Variants in CPT1C observed in about 807,000 individuals in gnomAD.
The protein encoded by CPT1C is palmitoyl thioesterase CPT1C.
In CPT1C, 61 loss-of-function variants were observed where a neutral mutation model predicts 97.3. The observed-to-expected ratio is 0.63, with a 90% CI of 0.51 to 0.78. CPT1C has a LOEUF of 0.78. CPT1C is among the 30% of genes least tolerant of loss of function. CPT1C has a pLI of 0.00. For synonymous variants in CPT1C, 469 were observed against 447.2 expected, an observed-to-expected ratio of 1.05 and a Z score of -0.61; for missense variants, 975 against 1,065.5, an observed-to-expected ratio of 0.92 and a Z score of 1.18.
rs1484612798 is a variant in CPT1C, at chr19:49,701,984, A to ATATATTTATT, written c.693+354_693+355insTTTATTTATA. Reference sequence around the variant, plus strand: ...TTTATATATAAATTTATAAATAAATATATAAATATTATAAATATATTAAAT... The same window carrying ATATATTTATT: ...TTTATATATAAATTTATAAATAAATATATATTTATTTATAAATATTATAAATATATTAAAT... On this transcript the variant is annotated intron_variant, in intron 7 of 19. Transcript: ENST00000598293. Among the ~76,000 whole-genome samples, 56 of 73,392 alleles carry ATATATTTATT rather than the reference A, an allele frequency of 7.6e-4. 2 individuals carry two copies. The highest frequency in any genetic ancestry group is 2.7e-3 in the African/African-American group (56 of 20,534). 48.1% of individuals were successfully genotyped at this position (73,392 alleles called of 152,430 possible).
rs2082955705 is a variant in CPT1C at position 49,700,603 on chromosome 19, G to A, written c.282-81G>A. ...TCTGTCTGACAGCCAAAAGATCAGC[G>A]CAGGGGCTGGAGGGGGCTGGAAGGG... On this transcript the variant is annotated intron_variant, in intron 4 of 19. Transcript: ENST00000598293. The A allele has an allele frequency of 4.0e-6, 6 of 1,483,776 alleles. 1 individual carries two copies. The Admixed American group carries it at 5.3e-5, about 13-fold the overall frequency. The allele number at this position is 1,483,776 out of a possible 1,614,324, so 91.9% of individuals were successfully genotyped here. A position where few individuals can be genotyped will look rare whatever the true frequency, so the allele number is the denominator to read the frequency against.
chr19:49,709,117 C>A (rs557801588), intron 14 of CPT1C, among the ~76,000 whole-genome samples: 2 of 151,542 alleles, frequency 1.3e-5, no homozygotes, highest in Non-Finnish European at 2.9e-5. Context: ...CAAAAACCAC[C>A]ACTGTCCAAC....
rs375017702 is a variant in CPT1C at position 49,711,862 on chromosome 19, G to T, written c.1920G>T (p.Leu640=). Residue 640 remains leucine (L), a synonymous_variant, in exon 17 of 20, where the codon CTG becomes CTT. Transcript: ENST00000598293. ...FRVAVDKHQA[L]LKAAMSGQGV... ...TGGCAGTGGACAAGCACCAGGCTCT[G>T]CTGAAGGCAGCCATGAGCGGGCAGG... is the stretch of plus-strand genomic sequence containing the variant. 1 of 1,613,920 alleles carries T rather than the reference G, an allele frequency of 6.2e-7. No homozygotes were observed. The highest frequency in any genetic ancestry group is 1.7e-5 in the Admixed American group (1 of 59,998).
At chr19:49,698,526 G>C (rs1183250606) in intron 4 of CPT1C, among the ~76,000 whole-genome samples, 1 of 151,972 alleles carries the variant, frequency 6.6e-6, no homozygotes. Context: ...AGCCGGGTGT[G>C]GTGGTGCGCG....
At chr19:49,695,015 C>G (rs367922938) in intron 3 of CPT1C, among the ~76,000 whole-genome samples, 34 of 152,020 alleles carry the variant, frequency 2.2e-4, no homozygotes, top group African/African-American at 7.2e-4. Flanking sequence ...GTGGCAGTCA[C>G]CTGTAGTCCC....
Position 49,705,934 on chromosome 19 carries a change from CCAA to C in CPT1C, c.993_995del (p.Gln331del). On this transcript the variant is annotated inframe_deletion, in exon 11 of 20. Transcript: ENST00000598293. ...ACTACATCCGCCACCTCCATGACAG[CCAA>C]CACGTGGCTGTCTTCCACCGGGGCC... is the stretch of plus-strand genomic sequence containing the variant. 6.2e-7 allele frequency: 1 copy of C among 1,613,760 alleles called. No individual in the cohort carries two copies. Among genetic ancestry groups the C allele is most frequent in the Non-Finnish European group, 8.5e-7 (1 of 1,179,848 alleles).
intron 13 of CPT1C, 102 bp downstream of exon 13, chr19:49,707,725 G>A (rs1168882684): frequency 8.4e-6 from 6 of 710,948 alleles, no homozygotes; most frequent in African/African-American, 5.4e-5. Flanking sequence ...AGGCTTGGCC[G>A]GGCACGGTGG....
intron 4 of CPT1C, 97 bp from the exon 5 acceptor site, chr19:49,700,587 C>G: frequency 7.3e-7 from 1 of 1,361,988 alleles, no homozygotes; most frequent in Non-Finnish European, 1.0e-6. Flanking sequence ...CTCTGTCTGA[C>G]AGCCAAAAGA....
chr19:49,691,971 A>G, intron 2 of CPT1C, 82 bp downstream of exon 2: 1 of 427,118 alleles, frequency 2.3e-6, no homozygotes, highest in Non-Finnish European at 4.2e-6. Context: ...CCCGGGTCTG[A>G]GGGAGGAGGG....
Position 49,706,125 on chromosome 19 carries a change from G to T in CPT1C, c.1160+21G>T, listed in dbSNP as rs768276178. 2.5e-6 allele frequency: 4 copies of T among 1,600,248 alleles called. No homozygotes were observed. In the African/African-American group the frequency reaches 5.4e-5, roughly 21 times the overall value. Reference sequence around the variant, plus strand: ...CCCAGGTAAGGGTCAGGGGTCAGGGGTCAGGGGCTCTCAGAGGCCGCCAGT... The same window carrying T: ...CCCAGGTAAGGGTCAGGGGTCAGGGTTCAGGGGCTCTCAGAGGCCGCCAGT... On this transcript the variant is annotated intron_variant, in intron 11 of 19. Transcript: ENST00000598293. This position sits in a 1 kb window ranked among gnomAD's most constrained non-coding sequence, Gnocchi z 4.8.
chr19:49,702,865 T>C (rs1234600899), intron 7 of CPT1C, among the ~76,000 whole-genome samples: 1 of 151,470 alleles, frequency 6.6e-6, no homozygotes, highest in African/African-American at 2.4e-5. Context: ...ATTGAGACAC[T>C]GGGCTGGGAT....
In CPT1C at chr19:49,706,470, A is replaced by G; in HGVS notation, c.1343+57A>G. The G allele has an allele frequency of 7.3e-7, 1 of 1,377,906 alleles. No individual in the cohort carries two copies. Among genetic ancestry groups the G allele is most frequent in the Non-Finnish European group, 9.4e-7 (1 of 1,062,316 alleles). The allele number at this position is 1,377,906 out of a possible 1,614,324, so 85.4% of individuals were successfully genotyped here. On this transcript the variant is annotated intron_variant, in intron 12 of 19. Transcript: ENST00000598293. This position sits in a 1 kb window ranked among gnomAD's most constrained non-coding sequence, Gnocchi z 4.8. The stretch of plus-strand genomic sequence containing the variant: ...GTGGCACCCGAGAATCCAGTATCAG[A>G]CCTAGGACCCCTGACAGTAGACAGC...
At chr19:49,707,998 ATC>A (rs1431840320) in intron 13 of CPT1C, among the ~76,000 whole-genome samples, 1 of 129,894 alleles carries the variant, frequency 7.7e-6, no homozygotes, top group Non-Finnish European at 1.6e-5. Flanking sequence ...GCAAGAATAC[ATC>A]TCAAAAAAAA....
intron 7 of CPT1C, among the ~76,000 whole-genome samples, chr19:49,703,860 G>A (rs552762908): frequency 6.6e-5 from 10 of 151,762 alleles, no homozygotes; most frequent in South Asian, 2.1e-4. Context: ...CTCAAACTCC[G>A]AGGCTCAAGC....
rs375077196 is a variant in CPT1C, at chr19:49,705,143, G to A, written c.879+29G>A. The A allele has an allele frequency of 3.1e-6, 5 of 1,613,326 alleles. 1 individual carries two copies. In the African/African-American group the frequency reaches 4.0e-5, roughly 13 times the overall value. On this transcript the variant is annotated intron_variant, in intron 9 of 19. Transcript: ENST00000598293. ...AGAGGGCCCCAGTGGGTTAGGGATG[G>A]AGGTGTGGTCCTGTGGCCTTTGGGC...
intron 19 of CPT1C, 77 bp from the exon 20 acceptor site, chr19:49,713,343 C>T (rs1473280331): frequency 7.4e-7 from 1 of 1,348,616 alleles, no homozygotes; most frequent in East Asian, 2.3e-5. Flanking sequence ...GGAATCCAGG[C>T]CCTTAGCCCT....
intron 2 of CPT1C, 121 bp from the exon 3 acceptor site, chr19:49,692,118 G>C: frequency 9.9e-7 from 1 of 1,012,800 alleles, no homozygotes; most frequent in Non-Finnish European, 1.4e-6. Flanking sequence ...CTGGATCTGA[G>C]AGAGGAGGGA....
intron 14 of CPT1C, 84 bp downstream of exon 14, chr19:49,708,923 C>A (rs940814290): frequency 1.1e-6 from 1 of 884,158 alleles, no homozygotes; most frequent in Non-Finnish European, 1.8e-6. Flanking sequence ...CTAATCTGAA[C>A]GTGAAAATCA....
At chr19:49,700,565 A>G in intron 4 of CPT1C, 119 bp from the exon 5 acceptor site, 1 of 1,132,480 alleles carries the variant, frequency 8.8e-7, no homozygotes, top group South Asian at 1.4e-5. Flanking sequence ...CTAAAATGAC[A>G]AAAATGGGTT....
Sources: gnomAD v4.1 joint callset for allele counts (sites outside exome capture counted in the v4.1 genomes callset) on GRCh38, gnomAD v4.1.1 for gene constraint, Gnocchi (gnomAD v3.1) non-coding constraint, MANE v1.5 for transcripts, NCBI Gene and HGNC (gene_info 2026-07-23, HGNC 2026-07-21) for gene names.